IFFO2: variants seen among roughly 807,000 people sequenced by gnomAD.
IFFO2 encodes intermediate filament family orphan 2.
In IFFO2, 19 loss-of-function variants were observed where a neutral mutation model predicts 53.5. The ratio of observed to expected loss-of-function variants is 0.36; its 90% CI spans 0.25 to 0.52. IFFO2 has a LOEUF of 0.52. IFFO2 is among the 20% of genes least tolerant of loss of function. The pLI is 0.94. For synonymous variants in IFFO2, 303 were observed against 313.6 expected (o/e 0.97, Z 0.36); for missense variants, 570 against 727.4 (o/e 0.78, Z 2.49).
Position 18,919,801 on chromosome 1 carries a change from A to G in IFFO2, c.727-28T>C. ...GCGGGGACGGAGATGGGGAGGCTTC[A>G]GAGGGGCCGGGTCCTCTGGGGATAG... On this transcript the variant is annotated intron_variant, in intron 2 of 8. Transcript: ENST00000455833. This position sits in a 1 kb window ranked among gnomAD's most constrained non-coding sequence, Gnocchi z 4.9. 3 of 1,498,224 alleles carry G rather than the reference A, an allele frequency of 2.0e-6. No homozygotes were observed. Among genetic ancestry groups the G allele is most frequent in the Non-Finnish European group, 2.7e-6 (3 of 1,099,062 alleles). 92.8% of individuals were successfully genotyped at this position (1,498,224 alleles called of 1,614,324 possible). A position where few individuals can be genotyped will look rare whatever the true frequency, so the allele number is the denominator to read the frequency against.
chr1:18,921,243 G>A (rs1557641598), intron 1 of IFFO2, 122 bp from the exon 2 acceptor site: 1 of 848,470 alleles, frequency 1.2e-6, no homozygotes, highest in East Asian at 2.7e-5. Context: ...GGTGCATTGG[G>A]GCATCCATCC....
chr1:18,943,658 C>T (rs1345443257), intron 1 of IFFO2, among the ~76,000 whole-genome samples: 7 of 152,170 alleles, frequency 4.6e-5, no homozygotes, highest in African/African-American at 1.2e-4. Flanking sequence ...AAAAGGAAAA[C>T]GAGGCACAGA....
intron 1 of IFFO2, among the ~76,000 whole-genome samples, chr1:18,921,910 A>T (rs531271379): frequency 1.3e-5 from 2 of 152,274 alleles, no homozygotes; most frequent in South Asian, 4.1e-4. Flanking sequence ...CCTTAACTGC[A>T]GGAAGGGGTG....
chr1:18,937,382 G>C (rs999450533), intron 1 of IFFO2, among the ~76,000 whole-genome samples: 22 of 152,178 alleles, frequency 1.4e-4, no homozygotes, highest in Non-Finnish European at 2.4e-4. Context: ...ACAGCTCAAG[G>C]GGATGGACTC....
chr1:18,929,712 G>GC (rs1197699757), intron 1 of IFFO2, among the ~76,000 whole-genome samples: 1 of 152,010 alleles, frequency 6.6e-6, no homozygotes, highest in Non-Finnish European at 1.5e-5. Context: ...CTGGGCTCCG[G>GC]CCCCCCAGCC....
At chr1:18,922,562 GAC>G (rs1186722150) in intron 1 of IFFO2, among the ~76,000 whole-genome samples, 2 of 151,794 alleles carry the variant, frequency 1.3e-5, no homozygotes, top group African/African-American at 4.8e-5. Context: ...GCTCCTGGAG[GAC>G]ACACACTCTC....
At chr1:18,914,879 TG>T (rs1196469326) in intron 5 of IFFO2, among the ~76,000 whole-genome samples, 2 of 148,008 alleles carry the variant, frequency 1.4e-5, no homozygotes, top group African/African-American at 2.5e-5. Context: ...GAATATGAGA[TG>T]GGGGGTATCA....
chr1:18,943,080 G>T (rs950144324), intron 1 of IFFO2, among the ~76,000 whole-genome samples: 1 of 152,114 alleles, frequency 6.6e-6, no homozygotes, highest in African/African-American at 2.4e-5. Flanking sequence ...GTAATATTAA[G>T]ACTCAGCCAG....
At chr1:18,949,534 G>A (rs892043134) in intron 1 of IFFO2, among the ~76,000 whole-genome samples, 7 of 152,254 alleles carry the variant, frequency 4.6e-5, no homozygotes, top group East Asian at 1.9e-4. Flanking sequence ...AATGCCAGCC[G>A]GCCTTCACCT....
At chr1:18,922,859 T>C (rs1239959916) in intron 1 of IFFO2, among the ~76,000 whole-genome samples, 1 of 148,264 alleles carries the variant, frequency 6.7e-6, no homozygotes, top group African/African-American at 2.5e-5. Flanking sequence ...AGGCTAGGAG[T>C]CCGGTCCCAG....
At chr1:18,951,763 G>A (rs1249370668) in intron 1 of IFFO2, among the ~76,000 whole-genome samples, 1 of 152,230 alleles carries the variant, frequency 6.6e-6, no homozygotes, top group African/African-American at 2.4e-5. Flanking sequence ...GCCTGGGGAT[G>A]GGATGGCCAG....
Position 18,906,465 on chromosome 1 carries a change from A to G in IFFO2, c.*2096T>C, listed in dbSNP as rs1935950055. On this transcript the variant is annotated 3_prime_UTR_variant, in exon 9 of 9. Coordinates refer to ENST00000455833, the MANE Select transcript of IFFO2 (RefSeq NM_001136265.2). ...ACGCTGCCCACGAAACTCCCATACCACATTGTCCAATGCCTCCCTCGGCCC... is the reference window on the plus strand; with the variant it reads ...ACGCTGCCCACGAAACTCCCATACCGCATTGTCCAATGCCTCCCTCGGCCC... 6.6e-6 allele frequency: 1 copy of G among 152,018 alleles called. No homozygotes were observed. Among genetic ancestry groups the G allele is most frequent in the Non-Finnish European group, 1.5e-5 (1 of 67,974 alleles). 9.4% of individuals were successfully genotyped at this position (152,018 alleles called of 1,614,324 possible). A position where few individuals can be genotyped will look rare whatever the true frequency, so the allele number is the denominator to read the frequency against.
At chr1:18,911,334 G>A in intron 7 of IFFO2, 50 bp downstream of exon 7, 1 of 931,790 alleles carries the variant, frequency 1.1e-6, no homozygotes, top group Non-Finnish European at 1.5e-6. Context: ...TCTCAACCAT[G>A]TGGACCTCAG....
chr1:18,929,043 C>G (rs1003859430), intron 1 of IFFO2, among the ~76,000 whole-genome samples: 1 of 152,184 alleles, frequency 6.6e-6, no homozygotes, highest in Admixed American at 6.5e-5. Flanking sequence ...CTCATTCATT[C>G]CATAAACAGT....
chr1:18,921,039 C>A (rs747950939), intron 2 of IFFO2, 22 bp downstream of exon 2: 2 of 1,550,662 alleles, frequency 1.3e-6, no homozygotes, highest in Non-Finnish European at 1.7e-6. Context: ...CTCTCCTGGT[C>A]GGGATATCGG....
chr1:18,935,700 CTTT>C (rs71763185), intron 1 of IFFO2, among the ~76,000 whole-genome samples: 14,945 of 139,200 alleles, frequency 0.11, 934 homozygotes, highest in African/African-American at 0.18. Context: ...CTCCTTCTGT[CTTT>C]TTTTTTTTTT....
intron 5 of IFFO2, among the ~76,000 whole-genome samples, chr1:18,913,804 G>A (rs114693278): frequency 4.6e-4 from 54 of 118,040 alleles, no homozygotes; most frequent in African/African-American, 1.4e-3. Flanking sequence ...CAGAGGTTTC[G>A]TTGTTTGTTG....
intron 1 of IFFO2, among the ~76,000 whole-genome samples, chr1:18,925,625 G>A (rs1381176830): frequency 6.6e-6 from 1 of 152,252 alleles, no homozygotes; most frequent in Non-Finnish European, 1.5e-5. Context: ...CGGGTCTCAG[G>A]TCGGGGGTCC....
rs546937708 is a variant in IFFO2 at position 18,935,854 on chromosome 1, T to A, written c.666-14733A>T. On this transcript the variant is annotated intron_variant, in intron 1 of 8. Transcript: ENST00000455833. The stretch of plus-strand genomic sequence containing the variant: ...ATAGGTGCATGCCACCACACCTGGC[T>A]AATTTTTCTATTTTTTTTTTTTTTT... 1.7e-4 allele frequency among the ~76,000 whole-genome samples: 25 copies of A among 150,136 alleles called. No homozygotes were observed. In the South Asian group the frequency reaches 5.1e-3, roughly 30 times the overall value.
Sources: allele counts gnomAD v4.1 joint callset (sites outside exome capture counted in the v4.1 genomes callset), GRCh38; gene constraint gnomAD v4.1.1; non-coding constraint Gnocchi (gnomAD v3.1); transcripts MANE v1.5; gene names NCBI Gene and HGNC (gene_info 2026-07-23, HGNC 2026-07-21).